The following LATS1 variants were observed in gnomAD, a reference collection of about 807,000 sequenced individuals.
LATS1 encodes the protein serine/threonine-protein kinase LATS1.
A neutral mutation model predicts 106.6 loss-of-function variants in LATS1; 25 were observed. The ratio of observed to expected loss-of-function variants is 0.23; its 90% confidence interval spans 0.17 to 0.33. The LOEUF is 0.33. Ranked by LOEUF, LATS1 falls within the 10% of genes least tolerant of loss-of-function variation. The pLI is 1.00. For missense variants in LATS1, 1,040 were observed against 1,382.6 expected (o/e 0.75, Z 3.93); for synonymous variants, 465 against 455.6 (o/e 1.02, Z -0.26).
chr6:149,675,215 C>CAAAAAA (rs67049932), intron 7 of LATS1, among the ~76,000 whole-genome samples: 1 of 111,634 alleles, frequency 9.0e-6, no homozygotes. Flanking sequence ...GACTCTGTAT[C>CAAAAAA]AAAAAAAAAA....
At chr6:149,668,334 G>T (rs1221601919) in intron 7 of LATS1, among the ~76,000 whole-genome samples, 1 of 152,070 alleles carries the variant, frequency 6.6e-6, no homozygotes, top group Non-Finnish European at 1.5e-5. Context: ...AAGTTGTTCA[G>T]ATGGAAGAGA....
intron 1 of LATS1, 52 bp downstream of exon 1, chr6:149,717,797 C>A (rs1191209573): frequency 7.2e-6 from 2 of 276,614 alleles, no homozygotes; most frequent in South Asian, 2.8e-5. Context: ...GCCACCGCCC[C>A]GCCAACTCGA....
Position 149,683,862 on chromosome 6 carries a change from C to A in LATS1, c.1227G>T (p.Met409Ile). The A allele has an allele frequency of 1.2e-6, 2 of 1,614,108 alleles. No individual in the cohort carries two copies. Among genetic ancestry groups the A allele is most frequent in the Non-Finnish European group, 1.7e-6 (2 of 1,180,022 alleles). The change falls in exon 4 of 8, where the codon ATG becomes ATT. Residue 409 changes from methionine (M) to isoleucine (I), a missense_variant. By Grantham distance (10) the Met-to-Ile change is conservative. Transcript: ENST00000543571. ...SYTNGSIPQS[M>I]MVPNRNSHNM... ...TATGACTATTTCTGTTTGGCACCATCATAGACTGAGGAATACTTCCATTTG... is the reference window on the plus strand; with the variant it reads ...TATGACTATTTCTGTTTGGCACCATAATAGACTGAGGAATACTTCCATTTG...
intron 2 of LATS1, among the ~76,000 whole-genome samples, chr6:149,698,907 G>C (rs1783276119): frequency 6.6e-6 from 1 of 152,006 alleles, no homozygotes. Flanking sequence ...TTATGCCTTT[G>C]TTTTTCATGC....
chr6:149,700,741 AT>A (rs10715683), intron 2 of LATS1, among the ~76,000 whole-genome samples: 68,326 of 152,018 alleles, frequency 0.45, 16,463 homozygotes, highest in East Asian at 0.81. Flanking sequence ...AATAGGTAAT[AT>A]TTTTGCAATC....
At chr6:149,671,331 G>C (rs1012037858) in intron 7 of LATS1, among the ~76,000 whole-genome samples, 1 of 151,726 alleles carries the variant, frequency 6.6e-6, no homozygotes. Flanking sequence ...ACGGGGTTTC[G>C]CCATGTTGAC....
intron 3 of LATS1, among the ~76,000 whole-genome samples, chr6:149,685,248 T>C (rs952731407): frequency 6.6e-6 from 1 of 151,906 alleles, no homozygotes; most frequent in Admixed American, 6.6e-5. Flanking sequence ...AAAAAAAATA[T>C]ATATATATTT....
chr6:149,715,692 A>G (rs1411112401), intron 1 of LATS1, among the ~76,000 whole-genome samples: 1 of 152,208 alleles, frequency 6.6e-6, no homozygotes, highest in Non-Finnish European at 1.5e-5. Context: ...TTGCTGGATC[A>G]AAGAGAATAC....
chr6:149,694,161 C>T (rs1373593704), intron 3 of LATS1, among the ~76,000 whole-genome samples: 1 of 152,052 alleles, frequency 6.6e-6, no homozygotes, highest in Non-Finnish European at 1.5e-5. Context: ...AAAGCCTTAA[C>T]GTTTTTTAAG....
intron 3 of LATS1, among the ~76,000 whole-genome samples, chr6:149,687,979 A>G (rs2114854525): frequency 6.8e-6 from 1 of 147,888 alleles, no homozygotes; most frequent in Non-Finnish European, 1.5e-5. Flanking sequence ...GGTTCACGCC[A>G]TTCTCCTGCC....
At chr6:149,689,863 C>T (rs1782625342) in intron 3 of LATS1, among the ~76,000 whole-genome samples, 1 of 152,126 alleles carries the variant, frequency 6.6e-6, no homozygotes, top group Admixed American at 6.6e-5. Context: ...CTATTCCTCC[C>T]AGTTTCTCAG....
Position 149,683,533 on chromosome 6 carries a change from CAAG to C in LATS1, c.1553_1555del (p.Ser518del). The stretch of plus-strand genomic sequence containing the variant: ...AACAGTTTGAATTGGCTGTGGTATC[CAAG>C]AAGGGTGTGTAGGTGCTAAAGCAGT... On this transcript the variant is annotated inframe_deletion, in exon 4 of 8. Coordinates refer to ENST00000543571, the MANE Select transcript of LATS1 (RefSeq NM_004690.4). 6.2e-7 allele frequency: 1 copy of C among 1,614,188 alleles called. No homozygotes were observed. The highest frequency in any genetic ancestry group is 1.1e-5 in the South Asian group (1 of 91,086).
intron 1 of LATS1, among the ~76,000 whole-genome samples, chr6:149,709,490 GGAGA>G (rs1387123186): frequency 2.0e-5 from 3 of 152,006 alleles, no homozygotes; most frequent in Non-Finnish European, 4.4e-5. Context: ...GCCTGATCCA[GGAGA>G]GAATCAACCC....
intron 2 of LATS1, among the ~76,000 whole-genome samples, chr6:149,699,590 A>C (rs539191003): frequency 2.0e-5 from 3 of 152,370 alleles, no homozygotes; most frequent in Non-Finnish European, 2.9e-5. Flanking sequence ...TGAAATGTGT[A>C]ATTACAATAA....
At chr6:149,679,630 ATAT>A (rs758977555) in intron 5 of LATS1, among the ~76,000 whole-genome samples, 2 of 152,134 alleles carry the variant, frequency 1.3e-5, no homozygotes, top group Non-Finnish European at 2.9e-5. Context: ...AATGTTAATA[ATAT>A]TTAGAAACAA....
intron 1 of LATS1, among the ~76,000 whole-genome samples, chr6:149,708,627 A>G (rs1783918564): frequency 6.6e-6 from 1 of 152,202 alleles, no homozygotes; most frequent in Non-Finnish European, 1.5e-5. Flanking sequence ...TTCTGGACTG[A>G]GGCAGTTAAA....
At chr6:149,670,296 C>T (rs757572591) in intron 7 of LATS1, among the ~76,000 whole-genome samples, 18 of 151,088 alleles carry the variant, frequency 1.2e-4, no homozygotes, top group Non-Finnish European at 2.1e-4. Context: ...GTAAAAACCA[C>T]AGTAGAAGGA....
At chr6:149,663,456 C>T (rs1582833967) in intron 7 of LATS1, among the ~76,000 whole-genome samples, 1 of 152,118 alleles carries the variant, frequency 6.6e-6, no homozygotes. Flanking sequence ...GCCTGGGCGA[C>T]AGAGCAAGAC....
intron 3 of LATS1, among the ~76,000 whole-genome samples, chr6:149,685,042 C>T (rs952682629): frequency 6.6e-6 from 1 of 151,786 alleles, no homozygotes; most frequent in Non-Finnish European, 1.5e-5. Context: ...TCGAGACCAG[C>T]CTGGCCAACA....
Sources: gnomAD v4.1 joint callset for allele counts (sites outside exome capture counted in the v4.1 genomes callset) on GRCh38, gnomAD v4.1.1 for gene constraint, MANE v1.5 for transcripts, NCBI Gene and HGNC (gene_info 2026-07-23, HGNC 2026-07-21) for gene names.